The following DLGAP2 variants were observed in gnomAD, a reference collection of about 807,000 sequenced individuals.
DLGAP2 encodes disks large-associated protein 2.
Under a neutral mutation model 100.3 loss-of-function variants are expected in DLGAP2, and 26 were observed. The ratio of observed to expected loss-of-function variants is 0.26; its 90% confidence interval spans 0.19 to 0.36. The LOEUF (loss-of-function observed/expected upper bound fraction) is 0.36. DLGAP2 is among the 10% of genes least tolerant of loss of function. DLGAP2 has a pLI of 1.00. For synonymous variants in DLGAP2, 886 were observed against 630.1 expected, an observed-to-expected ratio of 1.41 and a Z score of -6.08; for missense variants, 1,858 against 1,453.2, an observed-to-expected ratio of 1.28 and a Z score of -4.53.
chr8:962,505 C>T (rs1227143033), intron 2 of DLGAP2, among the ~76,000 whole-genome samples: 6 of 152,130 alleles, frequency 3.9e-5, no homozygotes, highest in Non-Finnish European at 5.9e-5. Flanking sequence ...CTGGGGTGGG[C>T]GCCTTGAGGG....
chr8:1,277,146 A>T (rs1799713939), intron 3 of DLGAP2, among the ~76,000 whole-genome samples: 2 of 152,208 alleles, frequency 1.3e-5, no homozygotes, highest in Admixed American at 1.3e-4. Context: ...CTTAGGGCAG[A>T]ATCTAGAAAT....
intron 3 of DLGAP2, among the ~76,000 whole-genome samples, chr8:1,493,153 A>G (rs1799440931): frequency 6.6e-6 from 1 of 152,172 alleles, no homozygotes; most frequent in African/African-American, 2.4e-5. Flanking sequence ...TGTAGCAAGA[A>G]CTCGGGGAGA....
chr8:1,408,071 C>A (rs1037649825), intron 3 of DLGAP2, among the ~76,000 whole-genome samples: 1 of 152,226 alleles, frequency 6.6e-6, no homozygotes, highest in Non-Finnish European at 1.5e-5. Context: ...CCAAATGCCC[C>A]CCAGGGGATA....
intron 4 of DLGAP2, among the ~76,000 whole-genome samples, chr8:1,502,030 C>T (rs1799740257): frequency 1.3e-5 from 2 of 152,184 alleles, no homozygotes; most frequent in African/African-American, 4.8e-5. Flanking sequence ...AGAACAAGGC[C>T]CAATGCTTCT....
At chr8:893,405 G>T (rs544021422) in intron 1 of DLGAP2, among the ~76,000 whole-genome samples, 2 of 152,220 alleles carry the variant, frequency 1.3e-5, no homozygotes, top group East Asian at 1.9e-4. Flanking sequence ...TCTAACTTAC[G>T]TGTCGTATCT....
intron 2 of DLGAP2, among the ~76,000 whole-genome samples, chr8:1,196,587 C>T (rs1797753821): frequency 6.6e-6 from 1 of 152,220 alleles, no homozygotes; most frequent in African/African-American, 2.4e-5. Context: ...TGGCTGTCAT[C>T]ACCAACAGCA....
intron 8 of DLGAP2, among the ~76,000 whole-genome samples, chr8:1,651,001 C>G (rs915131972): frequency 6.6e-6 from 1 of 152,188 alleles, no homozygotes; most frequent in African/African-American, 2.4e-5. Flanking sequence ...CCTCCAGCAT[C>G]TACCACCAAG....
At position 1,669,461 on chromosome 8, in the gene DLGAP2, G is replaced by A. The variant is rs138412709; in HGVS notation, c.2161-282G>A. ...GTAGCGCATCCCTCCGGGATCTGGC[G>A]GACGTGGTTGAGCAGGGCTGGCCGT... On this transcript the variant is annotated intron_variant, in intron 9 of 14. Transcript: ENST00000637795. 7.9e-3 allele frequency among the ~76,000 whole-genome samples: 1,199 copies of A among 152,356 alleles called. 8 individuals carry two copies. The highest frequency in any genetic ancestry group is 0.016 in the South Asian group (79 of 4,830).
chr8:1,690,669 A>G lies in DLGAP2; in HGVS notation c.2705-866A>G, dbSNP rs1799234878. Among the ~76,000 whole-genome samples, 3 of 134,746 alleles carry G rather than the reference A, an allele frequency of 2.2e-5. No individual in the cohort carries two copies. The South Asian group carries it at 7.3e-4, about 33-fold the overall frequency. The allele number at this position is 134,746 out of a possible 152,430, so 88.4% of individuals were successfully genotyped here. Reference sequence around the variant, plus strand: ...CAGTGAGCCAGGATTGCGCCACTCCACTCCAGCCTGGGCGATAAAGGGAGA... The same window carrying G: ...CAGTGAGCCAGGATTGCGCCACTCCGCTCCAGCCTGGGCGATAAAGGGAGA... On this transcript the variant is annotated intron_variant, in intron 12 of 14. Coordinates refer to ENST00000637795, the MANE Select transcript of DLGAP2 (RefSeq NM_001346810.2).
intron 2 of DLGAP2, among the ~76,000 whole-genome samples, chr8:1,186,218 CTG>C (rs1410514334): frequency 6.6e-6 from 1 of 152,252 alleles, no homozygotes; most frequent in Non-Finnish European, 1.5e-5. Flanking sequence ...GCGCTGCAGT[CTG>C]TGGTAGGTGC....
At chr8:1,010,389 A>C (rs1348323450) in intron 2 of DLGAP2, among the ~76,000 whole-genome samples, 1 of 152,154 alleles carries the variant, frequency 6.6e-6, no homozygotes, top group Non-Finnish European at 1.5e-5. Context: ...GCACAGTCAG[A>C]TATCACAGTT....
intron 3 of DLGAP2, among the ~76,000 whole-genome samples, chr8:1,355,032 GATGAGGGTGGAAAGT>G (rs1329709013): frequency 1.6e-4 from 24 of 151,828 alleles, no homozygotes; most frequent in East Asian, 1.6e-3. Context: ...TGATGCTGTG[GATGAGGGTGGAAAGT>G]CACGGATGAT....
At chr8:837,524 G>A (rs1185025180) in intron 1 of DLGAP2, among the ~76,000 whole-genome samples, 4 of 152,016 alleles carry the variant, frequency 2.6e-5, no homozygotes, top group African/African-American at 7.3e-5. Context: ...CCCTAGTTTA[G>A]TAAGTAGCGG....
At chr8:1,665,434 T>C (rs17064198) in intron 8 of DLGAP2, among the ~76,000 whole-genome samples, 26,686 of 152,202 alleles carry the variant, frequency 0.18, 4,135 homozygotes, top group African/African-American at 0.42. Flanking sequence ...ACGCTTGATA[T>C]GTGCCATCGT....
At chr8:1,309,874 T>G (rs62483950) in intron 3 of DLGAP2, among the ~76,000 whole-genome samples, 12,994 of 152,100 alleles carry the variant, frequency 0.085, 692 homozygotes, top group South Asian at 0.18. Context: ...GCGGGCAGAT[T>G]TCTTGAGGTC....
At chr8:785,377 T>G (rs959345682) in intron 1 of DLGAP2, among the ~76,000 whole-genome samples, 5 of 150,108 alleles carry the variant, frequency 3.3e-5, no homozygotes, top group Non-Finnish European at 6.0e-5. Flanking sequence ...CTGCACCTCA[T>G]GCCCCTCTGA....
chr8:1,120,003 C>A (rs1195244217), intron 2 of DLGAP2, among the ~76,000 whole-genome samples: 1 of 152,162 alleles, frequency 6.6e-6, no homozygotes, highest in Non-Finnish European at 1.5e-5. Context: ...TAGGGCTGGG[C>A]TGAAAAATGA....
intron 2 of DLGAP2, among the ~76,000 whole-genome samples, chr8:970,891 A>C (rs57581096): frequency 0.05 from 7,688 of 152,264 alleles, 637 homozygotes; most frequent in African/African-American, 0.17. Flanking sequence ...ACGATTATAT[A>C]CTTCTAAGAA....
chr8:1,273,934 G>A (rs1173776139), intron 3 of DLGAP2, among the ~76,000 whole-genome samples: 2 of 152,152 alleles, frequency 1.3e-5, no homozygotes, highest in African/African-American at 2.4e-5. Context: ...ACAATAAGGT[G>A]TGTGCTCACT....
Sources: gnomAD v4.1 joint callset for allele counts (sites outside exome capture counted in the v4.1 genomes callset) on GRCh38, gnomAD v4.1.1 for gene constraint, MANE v1.5 for transcripts, NCBI Gene and HGNC (gene_info 2026-07-23, HGNC 2026-07-21) for gene names.